Variants in CCL24 observed in about 807,000 individuals in gnomAD.
The protein encoded by CCL24 is C-C motif chemokine 24.
CCL24 carries 6 observed loss-of-function variants against 8.6 expected under a neutral mutation model. The ratio of observed to expected loss-of-function variants is 0.70; its 90% CI spans 0.38 to 1.38. CCL24 has a LOEUF of 1.38. CCL24 is among the 40% of genes most tolerant of loss of function. CCL24 has a pLI of 0.02. For missense variants in CCL24, 126 were observed against 147.1 expected, an observed-to-expected ratio of 0.86 and a Z score of 0.74; for synonymous variants, 59 against 52.7, an observed-to-expected ratio of 1.12 and a Z score of -0.52.
At chr7:75,823,348 G>C (rs1247816014) in exon 1 of CCL24, 1 of 152,362 alleles carries the variant, frequency 6.6e-6, no homozygotes, top group Non-Finnish European at 1.5e-5. Flanking sequence ...GACAGCCTTG[G>C]TGCCAAGTGC....
At chr7:75,814,433 G>A (rs1368706660), upstream of CCL24, among the ~76,000 whole-genome samples, 1 of 152,148 alleles carries the variant, frequency 6.6e-6, no homozygotes, top group Non-Finnish European at 1.5e-5. Context: ...AGGCGTGGTG[G>A]TGCAGGCTTG....
At chr7:75,812,196 C>A (rs11465310) in intron 2 of CCL24, among the ~76,000 whole-genome samples, 1 of 151,814 alleles carries the variant, frequency 6.6e-6, no homozygotes, top group Non-Finnish European at 1.5e-5. Flanking sequence ...GCTGTCCTCC[C>A]GCCTTAGCCT....
At chr7:75,820,018 A>ACTACTTCTT (rs1554534776) in intron 1 of CCL24, among the ~76,000 whole-genome samples, 57 of 104,914 alleles carry the variant, frequency 5.4e-4, no homozygotes, top group African/African-American at 1.8e-3. Context: ...TTAGTAAACT[A>ACTACTTCTT]CTTCTTCTTC....
At chr7:75,817,506 A>AT (rs35946971), upstream of CCL24, among the ~76,000 whole-genome samples, 34,629 of 143,486 alleles carry the variant, frequency 0.24, 4,290 homozygotes, top group Non-Finnish European at 0.27. Flanking sequence ...AAAATATCCA[A>AT]TTTTTTTTTT....
chr7:75,818,215 C>T (rs868918300), upstream of CCL24, among the ~76,000 whole-genome samples: 1 of 152,062 alleles, frequency 6.6e-6, no homozygotes, highest in Non-Finnish European at 1.5e-5. Context: ...GAGCTGATGC[C>T]TTGCAAGGAT....
upstream of CCL24, among the ~76,000 whole-genome samples, chr7:75,817,944 C>A (rs1290065085): frequency 3.9e-5 from 6 of 152,078 alleles, no homozygotes; most frequent in Admixed American, 3.9e-4. Context: ...AATTCTCCTG[C>A]CTCAGCCTCC....
Position 75,813,741 on chromosome 7 carries a change from C to G in CCL24, c.-26G>C, listed in dbSNP as rs782434669. 7.5e-6 allele frequency: 12 copies of G among 1,603,488 alleles called. No homozygotes were observed. In the South Asian group the frequency reaches 1.1e-4, roughly 15 times the overall value. ...GTCTCAGAGAGCAGAAGCACCAGCT[C>G]GGGGCTCAAAGCTGACGTGCAGGAG... On this transcript the variant is annotated 5_prime_UTR_variant, in exon 1 of 3. Coordinates refer to ENST00000222902, the MANE Select transcript of CCL24 (RefSeq NM_002991.3).
intron 2 of CCL24, among the ~76,000 whole-genome samples, chr7:75,813,031 A>C (rs1803808189): frequency 6.6e-6 from 1 of 151,758 alleles, no homozygotes; most frequent in Non-Finnish European, 1.5e-5. Context: ...TGAGCCCAGG[A>C]GGTTGAGGCT....
chr7:75,814,842 C>G (rs1554533898), upstream of CCL24, among the ~76,000 whole-genome samples: 1 of 152,020 alleles, frequency 6.6e-6, no homozygotes, highest in Admixed American at 6.6e-5. Flanking sequence ...GAGTTTCCAA[C>G]TCGGTCAAAT....
At chr7:75,820,061 C>CTTCTTCTTT (rs1803998408) in intron 1 of CCL24, among the ~76,000 whole-genome samples, 1 of 131,870 alleles carries the variant, frequency 7.6e-6, no homozygotes, top group Admixed American at 8.6e-5. Context: ...TCTTCTTCTT[C>CTTCTTCTTT]TTCTTCTTCT....
chr7:75,818,006 T>C (rs1454211637), upstream of CCL24, among the ~76,000 whole-genome samples: 2 of 151,658 alleles, frequency 1.3e-5, no homozygotes, highest in African/African-American at 4.8e-5. Context: ...AATTTTTATA[T>C]TTTTAGTGGA....
chr7:75,823,049 C>T (rs1554535293), intron 1 of CCL24, among the ~76,000 whole-genome samples: 3 of 152,160 alleles, frequency 2.0e-5, no homozygotes, highest in African/African-American at 7.2e-5. Flanking sequence ...ACTTTAGACT[C>T]TCACGGCCAC....
intron 1 of CCL24, 52 bp from the exon 2 acceptor site, chr7:75,813,475 T>G (rs1803819904): frequency 7.0e-7 from 1 of 1,418,722 alleles, no homozygotes; most frequent in Non-Finnish European, 1.0e-6. Context: ...TCCCCTTGGC[T>G]CTGGGCCTCA....
At chr7:75,820,474 C>A (rs555809213) in intron 1 of CCL24, among the ~76,000 whole-genome samples, 1 of 152,276 alleles carries the variant, frequency 6.6e-6, no homozygotes, top group Admixed American at 6.5e-5. Context: ...AGCCACCTCG[C>A]CTGGCAGTGC....
In CCL24 at chr7:75,813,432, GGA is replaced by G. The variant is rs1585027917; in HGVS notation, c.74-11_74-10del. 1.9e-6 allele frequency: 3 copies of G among 1,589,654 alleles called. No homozygotes were observed. Among genetic ancestry groups the G allele is most frequent in the Non-Finnish European group, 2.6e-6 (3 of 1,158,542 alleles). On this transcript the variant is annotated splice_polypyrimidine_tract_variant and intron_variant, in intron 1 of 2. Transcript: ENST00000222902. ...GGGGATGACCACAGAGCCTAGAAGA[GGA>G]GAGAGAGAAGAGCCACGTCTTTTCC...
rs782214075 is a variant in CCL24, at chr7:75,813,322, G to C, written c.175C>G (p.Leu59Val). ...GATACCTACATCACTCCTGCCTTGA[G>C]GCATGTGCTCCTGCTGGACAGCTGG... ...SYQLSSRSTC[L>V]KAGVIFTTKK... Residue 59 changes from leucine (L) to valine (V), a missense_variant, in exon 2 of 3, where the codon CTC (leucine) becomes GTC (valine). By Grantham distance (32) the Leu-to-Val change is conservative (BLOSUM62 1). Coordinates refer to ENST00000222902, the MANE Select transcript of CCL24 (RefSeq NM_002991.3). The C allele has an allele frequency of 1.2e-6, 2 of 1,607,638 alleles. No individual in the cohort carries two copies. The highest frequency in any genetic ancestry group is 2.7e-5 in the African/African-American group (2 of 74,748).
At chr7:75,819,281 A>T (rs1563353305) in intron 1 of CCL24, among the ~76,000 whole-genome samples, 2 of 26,658 alleles carry the variant, frequency 7.5e-5, no homozygotes, top group African/African-American at 2.9e-4. Flanking sequence ...AAAAAAAAAA[A>T]AAAAAAAAAA....
intron 1 of CCL24, among the ~76,000 whole-genome samples, chr7:75,820,921 A>G (rs1223382820): frequency 4.1e-5 from 6 of 147,316 alleles, no homozygotes; most frequent in African/African-American, 1.5e-4. Context: ...CTATCCATCA[A>G]TTCATCCATC....
chr7:75,815,890 C>G (rs1473326617), upstream of CCL24, among the ~76,000 whole-genome samples: 4 of 152,172 alleles, frequency 2.6e-5, no homozygotes, highest in African/African-American at 7.2e-5. Flanking sequence ...TGACAGGCTT[C>G]AATTATGCCT....
Sources: allele counts gnomAD v4.1 joint callset (sites outside exome capture counted in the v4.1 genomes callset), GRCh38; gene constraint gnomAD v4.1.1; transcripts MANE v1.5; gene names NCBI Gene and HGNC (gene_info 2026-07-23, HGNC 2026-07-21).